Variants in RBFOX1 observed in about 807,000 individuals in gnomAD.
RBFOX1 encodes RNA binding fox-1 homolog 1, also known as RNA binding protein fox-1 homolog 1.
RBFOX1 carries 8 observed loss-of-function variants against 57.7 expected under a neutral mutation model. The observed-to-expected ratio is 0.14, with a 90% CI of 0.08 to 0.25. The LOEUF (loss-of-function observed/expected upper bound fraction) is 0.25, where lower values mean the gene tolerates loss of function less well. Ranked by LOEUF, RBFOX1 falls within the 10% of genes least tolerant of loss-of-function variation. The probability of loss-of-function intolerance (pLI) is 1.00; values close to 1 mark genes in which losing one functional copy is unlikely to be tolerated. For missense variants in RBFOX1, 611 were observed against 548.5 expected (o/e 1.11, Z -1.14); for synonymous variants, 326 against 222.4 (o/e 1.47, Z -4.15).
At chr16:6,670,317 A>G (rs549531210) in intron 3 of RBFOX1, among the ~76,000 whole-genome samples, 90 of 152,114 alleles carry the variant, frequency 5.9e-4, no homozygotes, top group African/African-American at 2.0e-3. Flanking sequence ...CAGTCCTTCC[A>G]TCTTGGTCTC....
At chr16:7,631,516 G>T (rs886151432) in intron 11 of RBFOX1, among the ~76,000 whole-genome samples, 8 of 152,302 alleles carry the variant, frequency 5.3e-5, no homozygotes, top group African/African-American at 1.4e-4. Flanking sequence ...GAATCTCCCA[G>T]CCACAGCTGA....
chr16:7,492,949 G>A (rs936485902), intron 4 of RBFOX1, among the ~76,000 whole-genome samples: 2 of 152,142 alleles, frequency 1.3e-5, no homozygotes, highest in East Asian at 3.9e-4. Flanking sequence ...TGCGATCTCA[G>A]CTCACTGCAA....
chr16:6,433,393 C>A (rs1189972953), intron 2 of RBFOX1, among the ~76,000 whole-genome samples: 1 of 152,168 alleles, frequency 6.6e-6, no homozygotes. Flanking sequence ...GTCTTGAAGC[C>A]CCTGACCTGC....
intron 3 of RBFOX1, among the ~76,000 whole-genome samples, chr16:5,808,234 C>CA (rs1237162308): frequency 6.6e-6 from 1 of 152,140 alleles, no homozygotes; most frequent in Admixed American, 6.6e-5. Context: ...CAAGAAAAGA[C>CA]ATAGGAATAT....
chr16:7,636,513 T>C (rs1390718663), intron 11 of RBFOX1, among the ~76,000 whole-genome samples: 4 of 152,338 alleles, frequency 2.6e-5, no homozygotes, highest in East Asian at 1.9e-4. Flanking sequence ...GTTTTGACGA[T>C]TGATGTTGCT....
chr16:7,395,342 T>C (rs1482714377), intron 4 of RBFOX1, among the ~76,000 whole-genome samples: 1 of 152,226 alleles, frequency 6.6e-6, no homozygotes, highest in African/African-American at 2.4e-5. Context: ...ACTCAGCAGA[T>C]GATTGAAATT....
intron 4 of RBFOX1, among the ~76,000 whole-genome samples, chr16:5,950,681 T>A (rs909439880): frequency 2.0e-5 from 3 of 152,244 alleles, no homozygotes; most frequent in Non-Finnish European, 4.4e-5. Flanking sequence ...TCTTCTTCCA[T>A]CTATGTCTCT....
chr16:6,772,964 G>A (rs2078606131), intron 3 of RBFOX1, among the ~76,000 whole-genome samples: 1 of 138,556 alleles, frequency 7.2e-6, no homozygotes, highest in Non-Finnish European at 1.5e-5. Flanking sequence ...TTGGGTGTGG[G>A]GTGCATTTGT....
chr16:5,637,433 C>G (rs939554965), intron 3 of RBFOX1, among the ~76,000 whole-genome samples: 2 of 152,126 alleles, frequency 1.3e-5, no homozygotes, highest in East Asian at 1.9e-4. Flanking sequence ...GAATTGATGT[C>G]TCTGAACTTC....
At chr16:7,311,473 C>G (rs928610336) in intron 4 of RBFOX1, among the ~76,000 whole-genome samples, 13 of 69,954 alleles carry the variant, frequency 1.9e-4, no homozygotes, top group African/African-American at 5.9e-4. Flanking sequence ...CTTGATGAGC[C>G]TTTTCTTTTT....
At chr16:7,280,701 C>T (rs1261605600) in intron 4 of RBFOX1, among the ~76,000 whole-genome samples, 2 of 152,090 alleles carry the variant, frequency 1.3e-5, no homozygotes, top group African/African-American at 4.8e-5. Context: ...ACGTTTTGGA[C>T]CAGATTGATA....
intron 11 of RBFOX1, among the ~76,000 whole-genome samples, chr16:7,652,526 G>C (rs187120671): frequency 6.6e-6 from 1 of 152,292 alleles, no homozygotes; most frequent in Non-Finnish European, 1.5e-5. Context: ...TCCTGCCTCA[G>C]CCTCCCAAGT....
At chr16:7,365,827 C>G (rs531914504) in intron 4 of RBFOX1, among the ~76,000 whole-genome samples, 1 of 152,182 alleles carries the variant, frequency 6.6e-6, no homozygotes, top group African/African-American at 2.4e-5. Context: ...GTATCTCTTA[C>G]GTGACTACAT....
rs145429290 is a variant in RBFOX1, at chr16:6,262,499, G to A, written c.-126-54496G>A. 7.2e-4 allele frequency among the ~76,000 whole-genome samples: 109 copies of A among 152,192 alleles called. 1 individual carries two copies. The highest frequency in any genetic ancestry group is 2.5e-3 in the African/African-American group (102 of 41,534). On this transcript the variant is annotated intron_variant, in intron 1 of 15. Transcript: ENST00000550418. ...GTTTGCCTCATCCATATTGAGGGAGGCAGTGTTCACTGCAGCAGCATCTCA... is the reference window on the plus strand; with the variant it reads ...GTTTGCCTCATCCATATTGAGGGAGACAGTGTTCACTGCAGCAGCATCTCA...
At chr16:7,545,193 C>T (rs11864221) in intron 5 of RBFOX1, among the ~76,000 whole-genome samples, 4,813 of 152,228 alleles carry the variant, frequency 0.032, 223 homozygotes, top group African/African-American at 0.11. Context: ...TGGGAGAACA[C>T]GGTTAAAGTA....
chr16:6,409,607 C>A (rs895939102), intron 2 of RBFOX1, among the ~76,000 whole-genome samples: 1 of 151,832 alleles, frequency 6.6e-6, no homozygotes, highest in Admixed American at 6.6e-5. Context: ...ATTTAAAATA[C>A]CCTGTGAAAC....
At chr16:7,087,409 T>G in intron 4 of RBFOX1, among the ~76,000 whole-genome samples, 1 of 152,266 alleles carries the variant, frequency 6.6e-6, no homozygotes, top group South Asian at 2.1e-4. Flanking sequence ...TGAATATTGC[T>G]AGTATCATCA....
At chr16:6,453,320 T>G (rs550870103) in intron 2 of RBFOX1, among the ~76,000 whole-genome samples, 1 of 152,234 alleles carries the variant, frequency 6.6e-6, no homozygotes, top group East Asian at 1.9e-4. Context: ...TGTCCATGTG[T>G]TTTCATTATT....
chr16:6,869,680 T>G (rs533374865), intron 3 of RBFOX1, among the ~76,000 whole-genome samples: 2 of 152,306 alleles, frequency 1.3e-5, no homozygotes, highest in Admixed American at 1.3e-4. Flanking sequence ...CAAAACAAAT[T>G]CTAGGACACA....
Sources: gnomAD v4.1 joint callset for allele counts (sites outside exome capture counted in the v4.1 genomes callset) on GRCh38, gnomAD v4.1.1 for gene constraint, MANE v1.5 for transcripts, NCBI Gene and HGNC (gene_info 2026-07-23, HGNC 2026-07-21) for gene names.